Variants in BRF1 observed in about 807,000 individuals in gnomAD.
BRF1 encodes the protein BRF1 general transcription factor IIIB subunit.
BRF1 carries 59 observed loss-of-function variants against 81.7 expected under a neutral mutation model. That is an observed-to-expected ratio of 0.72 (90% CI 0.59 to 0.90). The LOEUF is 0.90. Ranked by LOEUF, BRF1 falls within the 40% of genes least tolerant of loss-of-function variation. BRF1 has a pLI of 0.00. For synonymous variants in BRF1, 491 were observed against 395.6 expected (o/e 1.24, Z -2.86); for missense variants, 1,050 against 936.3 (o/e 1.12, Z -1.58).
At chr14:105,299,050 G>A (rs2057867603) in intron 1 of BRF1, among the ~76,000 whole-genome samples, 1 of 151,558 alleles carries the variant, frequency 6.6e-6, no homozygotes, top group African/African-American at 2.4e-5. Flanking sequence ...GTGGGCTCCT[G>A]TAGTCCCAGC....
At chr14:105,241,039 A>G (rs906257680) in intron 6 of BRF1, among the ~76,000 whole-genome samples, 1 of 152,198 alleles carries the variant, frequency 6.6e-6, no homozygotes, top group African/African-American at 2.4e-5. Context: ...CTCTGCCCTG[A>G]GAGTTCTGCC....
At chr14:105,215,632 G>A (rs1891031876) in intron 15 of BRF1, among the ~76,000 whole-genome samples, 2 of 135,006 alleles carry the variant, frequency 1.5e-5, no homozygotes, top group South Asian at 4.7e-4. Context: ...CACACACACT[G>A]CATACACAGA....
intron 15 of BRF1, among the ~76,000 whole-genome samples, chr14:105,215,339 GCACA>G (rs895341250): frequency 6.6e-6 from 1 of 152,128 alleles, no homozygotes; most frequent in African/African-American, 2.4e-5. Context: ...CATGTTGCAT[GCACA>G]CACACTGCAT....
chr14:105,241,532 C>G (rs1218916873), intron 5 of BRF1, 118 bp from the exon 6 acceptor site: 1 of 1,304,044 alleles, frequency 7.7e-7, no homozygotes, highest in Non-Finnish European at 1.1e-6. Context: ...CCCAGGCCCC[C>G]CACCAGTTCC....
chr14:105,315,023 C>G lies in BRF1; in HGVS notation c.-162+299G>C. The G allele has an allele frequency of 1.1e-5, 13 of 1,223,416 alleles. No homozygotes were observed. Among genetic ancestry groups the G allele is most frequent in the Non-Finnish European group, 1.3e-5 (13 of 964,058 alleles). 75.8% of individuals were successfully genotyped at this position (1,223,416 alleles called of 1,614,324 possible). A position where few individuals can be genotyped will look rare whatever the true frequency, so the allele number is the denominator to read the frequency against. ...CCTGGGAGGTGGACGGCTCCAGCCC[C>G]AGCTGCGTGCCCAGGTACGCGCCGC... is the stretch of plus-strand genomic sequence containing the variant. On this transcript the variant is annotated intron_variant, in intron 1 of 17. Transcript: ENST00000327359. This position sits in a 1 kb window ranked among gnomAD's most constrained non-coding sequence, Gnocchi z 4.4.
At chr14:105,211,334 C>G in intron 16 of BRF1, 41 bp from the exon 17 acceptor site, 7 of 1,523,158 alleles carry the variant, frequency 4.6e-6, no homozygotes, top group Non-Finnish European at 6.2e-6. Flanking sequence ...GAGCTGGGAG[C>G]CCTGTGTATC....
At position 105,248,366 on chromosome 14, in the gene BRF1, G is replaced by C. The variant is rs1394545751; in HGVS notation, c.544+4141C>G. On this transcript the variant is annotated intron_variant, in intron 5 of 17. Transcript: ENST00000547530. ...GCAAGCACCTGCGCATGGCACTGCG[G>C]GTCTGGGGGCGGCCGCCTGCCAGCG... is the stretch of plus-strand genomic sequence containing the variant. 5.1e-6 allele frequency: 5 copies of C among 985,388 alleles called. No homozygotes were observed. The African/African-American group carries it at 8.7e-5, about 17-fold the overall frequency. 61.0% of individuals were successfully genotyped at this position (985,388 alleles called of 1,614,324 possible).
chr14:105,283,794 G>A (rs2057209706), intron 2 of BRF1, among the ~76,000 whole-genome samples: 1 of 152,164 alleles, frequency 6.6e-6, no homozygotes. Flanking sequence ...GGAGAACAAA[G>A]CTCTTCACAT....
rs1461728664 is a variant in BRF1, at chr14:105,309,776, C to A, written c.-162+5546G>T. ...TTAAGGAGAAGGTGGTGATGTGTGT[C>A]TTTTTTTTTTTTTTTTTTTTTTTTT... On this transcript the variant is annotated intron_variant, in intron 1 of 17. Coordinates refer to the BRF1 transcript ENST00000327359. This position sits in a 1 kb window ranked among gnomAD's most constrained non-coding sequence, Gnocchi z 4.0. Among the ~76,000 whole-genome samples, 1 of 89,234 alleles carries A rather than the reference C, an allele frequency of 1.1e-5. No individual in the cohort carries two copies. Among genetic ancestry groups the A allele is most frequent in the South Asian group, 3.9e-4 (1 of 2,574 alleles). 58.5% of individuals were successfully genotyped at this position (89,234 alleles called of 152,430 possible).
At chr14:105,283,651 T>C (rs1026781913) in intron 2 of BRF1, among the ~76,000 whole-genome samples, 16 of 152,226 alleles carry the variant, frequency 1.1e-4, no homozygotes, top group South Asian at 2.1e-4. Flanking sequence ...TTCTCTGTTG[T>C]TGGTTTCCAA....
In BRF1 at chr14:105,221,758, C is replaced by A. The variant is rs1396696286; in HGVS notation, c.1205G>T (p.Gly402Val). ...GGACCCCAGGGCCGGAGGTCTGCCG[C>A]CCCACTCGGGGCTTCCTGCTGCTTC... ...SSEAAGSPEWGGRPPALGSLL... is the reference protein window; with the variant it reads ...SSEAAGSPEWVGRPPALGSLL... Residue 402 changes from glycine to valine, a missense_variant, in exon 11 of 18, where the codon GGC (glycine) becomes GTC (valine). Physicochemically the swap from Gly to Val is moderately radical, Grantham distance 109. Around this residue, in one of 2 missense-constraint regions of BRF1, gnomAD observed 1,043 missense variants for 915.4 expected, o/e 1.14. Coordinates refer to ENST00000547530, the MANE Select transcript of BRF1 (RefSeq NM_001519.4). 1 of 1,611,080 alleles carries A rather than the reference C, an allele frequency of 6.2e-7. No homozygotes were observed. Among genetic ancestry groups the A allele is most frequent in the African/African-American group, 1.3e-5 (1 of 74,836 alleles).
At chr14:105,281,968 G>T (rs1223952398) in intron 2 of BRF1, among the ~76,000 whole-genome samples, 24 of 152,222 alleles carry the variant, frequency 1.6e-4, no homozygotes, top group Non-Finnish European at 4.4e-5. Context: ...CCTGAGAAAC[G>T]CGTCCCAAAC....
chr14:105,302,894 G>A (rs587667031), upstream of BRF1, among the ~76,000 whole-genome samples: 1 of 151,806 alleles, frequency 6.6e-6, no homozygotes, highest in Admixed American at 6.6e-5. Flanking sequence ...TCCTCCCAAA[G>A]TGCTGGGATT....
At chr14:105,307,820 C>T (rs1443216313) in intron 1 of BRF1, among the ~76,000 whole-genome samples, 1 of 152,216 alleles carries the variant, frequency 6.6e-6, no homozygotes, top group Non-Finnish European at 1.5e-5. Context: ...GAAGGCAAGT[C>T]CCTGTTCCTG....
rs1250473840 is a variant in BRF1 at position 105,241,245 on chromosome 14, G to A, written c.694+20C>T. 2 of 1,607,892 alleles carry A rather than the reference G, an allele frequency of 1.2e-6. No homozygotes were observed. The highest frequency in any genetic ancestry group is 2.2e-5 in the South Asian group (2 of 91,008). On this transcript the variant is annotated intron_variant, in intron 6 of 17. Transcript: ENST00000547530. ...CAGGACCCAGACCAGCATCCCCCAG[G>A]CAGGCAGGGCCCGCTGTACCTGCTC...
At chr14:105,216,180 C>A (rs587599289) in intron 15 of BRF1, among the ~76,000 whole-genome samples, 1 of 152,340 alleles carries the variant, frequency 6.6e-6, no homozygotes, top group East Asian at 1.9e-4. Flanking sequence ...GAGAGACACA[C>A]ATGCACACCC....
Position 105,221,841 on chromosome 14 carries a change from G to A in BRF1, c.1122C>T (p.Ala374=). 2.5e-6 allele frequency: 4 copies of A among 1,608,556 alleles called. No individual in the cohort carries two copies. The highest frequency in any genetic ancestry group is 3.4e-6 in the Non-Finnish European group (4 of 1,178,252). Residue 374 remains alanine (A), a synonymous_variant, in exon 11 of 18, where the codon GCC becomes GCT. Coordinates refer to ENST00000547530, the MANE Select transcript of BRF1 (RefSeq NM_001519.4). ...GGTATAAGTCTTTGTTCAGGTGGCT[G>A]GCCGCGGCTTCCAGCTCCTCGTCCT... ...DTEDEELEAA[A]SHLNKDLYRE...
In BRF1 at chr14:105,219,898, G is replaced by A; in HGVS notation, c.1377+171C>T. 3 of 713,560 alleles carry A rather than the reference G, an allele frequency of 4.2e-6. 1 individual carries two copies. The highest frequency in any genetic ancestry group is 3.6e-5 in the South Asian group (2 of 55,334). 44.2% of individuals were successfully genotyped at this position (713,560 alleles called of 1,614,324 possible). A position where few individuals can be genotyped will look rare whatever the true frequency, so the allele number is the denominator to read the frequency against. On this transcript the variant is annotated intron_variant, in intron 12 of 17. Coordinates refer to ENST00000547530, the MANE Select transcript of BRF1 (RefSeq NM_001519.4). Reference sequence around the variant, plus strand: ...CCCCGAGCCGACACTGGAGAAGAGAGTGTGGGGGGGGGTCCCGGGAACAGT... The same window carrying A: ...CCCCGAGCCGACACTGGAGAAGAGAATGTGGGGGGGGGTCCCGGGAACAGT...
In BRF1 at chr14:105,210,435, C is replaced by A; in HGVS notation, c.*116G>T. 1 of 1,163,618 alleles carries A rather than the reference C, an allele frequency of 8.6e-7. No individual in the cohort carries two copies. Among genetic ancestry groups the A allele is most frequent in the Non-Finnish European group, 1.2e-6 (1 of 813,546 alleles). 72.1% of individuals were successfully genotyped at this position (1,163,618 alleles called of 1,614,324 possible). A position where few individuals can be genotyped will look rare whatever the true frequency, so the allele number is the denominator to read the frequency against. ...ACGAGGGCTGTGGGACAGGTGCCAC[C>A]TGTCACCAGGAGTCTCGGCGCTGGG... On this transcript the variant is annotated 3_prime_UTR_variant, in exon 18 of 18. Transcript: ENST00000547530. The surrounding 1 kb of genome is among the most constrained non-coding windows in gnomAD (Gnocchi z 4.7).
Sources: allele counts gnomAD v4.1 joint callset (sites outside exome capture counted in the v4.1 genomes callset), GRCh38; gene constraint gnomAD v4.1.1; regional missense constraint gnomAD v4.1.1; non-coding constraint Gnocchi (gnomAD v3.1); transcripts MANE v1.5; gene names NCBI Gene and HGNC (gene_info 2026-07-23, HGNC 2026-07-21).